Variants in IL2RA observed in about 807,000 individuals in gnomAD.
IL2RA encodes the protein interleukin 2 receptor subunit alpha.
IL2RA carries 24 observed loss-of-function variants against 37.8 expected under a neutral mutation model. The observed-to-expected ratio is 0.63, with a 90% confidence interval of 0.46 to 0.89. The LOEUF is 0.89. IL2RA is among the 40% of genes least tolerant of loss of function. The pLI is 0.00. For missense variants in IL2RA, 319 were observed against 348.6 expected (o/e 0.92, Z 0.68); for synonymous variants, 125 against 114.6 (o/e 1.09, Z -0.58).
At chr10:6,055,317 C>T (rs1334907811) in intron 1 of IL2RA, among the ~76,000 whole-genome samples, 5 of 151,938 alleles carry the variant, frequency 3.3e-5, no homozygotes, top group Non-Finnish European at 7.3e-5. Context: ...ATCCTAAGTG[C>T]GATTTGGAAG....
chr10:6,026,296 G>A (rs778774695), intron 1 of IL2RA, among the ~76,000 whole-genome samples: 6 of 152,102 alleles, frequency 3.9e-5, no homozygotes, highest in Non-Finnish European at 7.4e-5. Context: ...GTTTTATTCC[G>A]AATATGCCTC....
chr10:6,032,622 G>A (rs889032460), intron 1 of IL2RA, among the ~76,000 whole-genome samples: 13 of 151,420 alleles, frequency 8.6e-5, no homozygotes, highest in African/African-American at 3.2e-4. Flanking sequence ...GAACTTGGGA[G>A]GTGGAGCTTG....
intron 1 of IL2RA, among the ~76,000 whole-genome samples, chr10:6,045,682 A>G (rs1839841998): frequency 6.6e-6 from 1 of 152,186 alleles, no homozygotes. Flanking sequence ...CTTGGGATGG[A>G]GTCATATTTT....
chr10:6,052,943 G>T (rs1221192698), intron 1 of IL2RA, among the ~76,000 whole-genome samples: 1 of 152,122 alleles, frequency 6.6e-6, no homozygotes, highest in African/African-American at 2.4e-5. Context: ...GCAGGACCCG[G>T]AGAACCCAGA....
At chr10:6,041,315 C>A (rs1360591550) in intron 1 of IL2RA, among the ~76,000 whole-genome samples, 1 of 152,022 alleles carries the variant, frequency 6.6e-6, no homozygotes, top group African/African-American at 2.4e-5. Flanking sequence ...CGGGGTTTCA[C>A]TGTGTTAGCC....
intron 1 of IL2RA, among the ~76,000 whole-genome samples, chr10:6,040,147 C>T (rs1839749359): frequency 6.6e-6 from 1 of 152,170 alleles, no homozygotes; most frequent in African/African-American, 2.4e-5. Flanking sequence ...GTAAAATGCT[C>T]CACAAATTTT....
At position 6,018,944 on chromosome 10, in the gene IL2RA, C is replaced by G. The variant is rs1007096157; in HGVS notation, c.727+484G>C. 6.6e-6 allele frequency among the ~76,000 whole-genome samples: 1 copy of G among 152,076 alleles called. No individual in the cohort carries two copies. Among genetic ancestry groups the G allele is most frequent in the African/African-American group, 2.4e-5 (1 of 41,406 alleles). On this transcript the variant is annotated intron_variant, in intron 6 of 7. Transcript: ENST00000379959. This position sits in a 1 kb window ranked among gnomAD's most constrained non-coding sequence, Gnocchi z 5.1. Reference sequence around the variant, plus strand: ...TCTACCAACCAACTCACTAACCAACCAACCAGCTAACCAACCAAACTACCA... The same window carrying G: ...TCTACCAACCAACTCACTAACCAACGAACCAGCTAACCAACCAAACTACCA...
rs916902068 is a variant in IL2RA, at chr10:6,054,752, AT to A, written c.64+7335del. 1.3e-5 allele frequency among the ~76,000 whole-genome samples: 2 copies of A among 151,686 alleles called. No homozygotes were observed. Among genetic ancestry groups the A allele is most frequent in the African/African-American group, 4.8e-5 (2 of 41,262 alleles). On this transcript the variant is annotated intron_variant, in intron 1 of 7. Coordinates refer to ENST00000379959, the MANE Select transcript of IL2RA (RefSeq NM_000417.3). The surrounding 1 kb of genome is among the most constrained non-coding windows in gnomAD (Gnocchi z 4.5). ...GGTCCCAGGGCCACCTTCTCTGAGA[AT>A]TTTTTTTCTAGTTCTCCAGGTAGCA...
chr10:6,034,045 A>G (rs1181702019), intron 1 of IL2RA, among the ~76,000 whole-genome samples: 1 of 152,238 alleles, frequency 6.6e-6, no homozygotes, highest in Non-Finnish European at 1.5e-5. Flanking sequence ...TCAATTTGAA[A>G]AGAAGGAAAC....
In IL2RA at chr10:6,022,008, G is replaced by A. The variant is rs1431104791; in HGVS notation, c.368-315C>T. On this transcript the variant is annotated intron_variant, in intron 3 of 7. Transcript: ENST00000379959. The surrounding 1 kb of genome is among the most constrained non-coding windows in gnomAD (Gnocchi z 4.7). The stretch of plus-strand genomic sequence containing the variant: ...TTCATTCTGGTTGGTGCGGCCCCGA[G>A]ACAGGAACGCCACAACTGCCTCTTG... Among the ~76,000 whole-genome samples, 1 of 152,128 alleles carries A rather than the reference G, an allele frequency of 6.6e-6. No individual in the cohort carries two copies. Among genetic ancestry groups the A allele is most frequent in the African/African-American group, 2.4e-5 (1 of 41,428 alleles).
chr10:6,019,013 AACCT>A (rs1839328373), intron 6 of IL2RA, among the ~76,000 whole-genome samples: 1 of 151,950 alleles, frequency 6.6e-6, no homozygotes, highest in South Asian at 2.1e-4. Flanking sequence ...CCTAACAACC[AACCT>A]ACCAACCAAC....
rs1465900623 is a variant in IL2RA at position 6,047,262 on chromosome 10, T to C, written c.64+14826A>G. Reference sequence around the variant, plus strand: ...CCAACAGCACTCCATCCCGACCTCATACCATGTGCACAGCACCTGATGCTG... The same window carrying C: ...CCAACAGCACTCCATCCCGACCTCACACCATGTGCACAGCACCTGATGCTG... On this transcript the variant is annotated intron_variant, in intron 1 of 7. Coordinates refer to ENST00000379959, the MANE Select transcript of IL2RA (RefSeq NM_000417.3). This position sits in a 1 kb window ranked among gnomAD's most constrained non-coding sequence, Gnocchi z 5.0. Among the ~76,000 whole-genome samples, 1 of 152,186 alleles carries C rather than the reference T, an allele frequency of 6.6e-6. No individual in the cohort carries two copies. Among genetic ancestry groups the C allele is most frequent in the Non-Finnish European group, 1.5e-5 (1 of 68,028 alleles).
chr10:6,032,509 G>A lies in IL2RA; in HGVS notation c.65-6484C>T, dbSNP rs977609194. Among the ~76,000 whole-genome samples the A allele has an allele frequency of 1.2e-4, 18 of 151,930 alleles. 1 individual carries two copies. Among genetic ancestry groups the A allele is most frequent in the Admixed American group, 4.6e-4 (7 of 15,262 alleles). Reference sequence around the variant, plus strand: ...AGATGGAGACCATCCTGGCTAACACGGTGAAACCCTGTCTCTACTAAAAAT... The same window carrying A: ...AGATGGAGACCATCCTGGCTAACACAGTGAAACCCTGTCTCTACTAAAAAT... On this transcript the variant is annotated intron_variant, in intron 1 of 7. Coordinates refer to ENST00000379959, the MANE Select transcript of IL2RA (RefSeq NM_000417.3).
rs1268671168 is a variant in IL2RA at position 6,047,717 on chromosome 10, TA to T, written c.64+14370del. Among the ~76,000 whole-genome samples the T allele has an allele frequency of 6.7e-6, 1 of 149,484 alleles. No individual in the cohort carries two copies. Among genetic ancestry groups the T allele is most frequent in the Non-Finnish European group, 1.5e-5 (1 of 67,528 alleles). On this transcript the variant is annotated intron_variant, in intron 1 of 7. Transcript: ENST00000379959. The surrounding 1 kb of genome is among the most constrained non-coding windows in gnomAD (Gnocchi z 5.0). Reference sequence around the variant, plus strand: ...ACCATCTTAGCTTATGAAATTATCTTATATGATAAAATAATTATACAGATAT... The same window carrying T: ...ACCATCTTAGCTTATGAAATTATCTTTATGATAAAATAATTATACAGATAT...
rs533953750 is a variant in IL2RA at position 6,047,092 on chromosome 10, G to A, written c.64+14996C>T. 1.3e-5 allele frequency among the ~76,000 whole-genome samples: 2 copies of A among 152,332 alleles called. No homozygotes were observed. The highest frequency in any genetic ancestry group is 1.9e-4 in the East Asian group (1 of 5,184). On this transcript the variant is annotated intron_variant, in intron 1 of 7. Coordinates refer to ENST00000379959, the MANE Select transcript of IL2RA (RefSeq NM_000417.3). The surrounding 1 kb of genome is among the most constrained non-coding windows in gnomAD (Gnocchi z 5.0). ...CTCCATGTCTCTGCATGCTTGCATG[G>A]AGAACATGCATTGTCCAAGGACCCT...
In IL2RA at chr10:6,035,620, G is replaced by T. The variant is rs929777629; in HGVS notation, c.65-9595C>A. On this transcript the variant is annotated intron_variant, in intron 1 of 7. Coordinates refer to ENST00000379959, the MANE Select transcript of IL2RA (RefSeq NM_000417.3). The surrounding 1 kb of genome is among the most constrained non-coding windows in gnomAD (Gnocchi z 5.4). ...CCAGGAGGAGAATCCTGAACCACGG[G>T]CTCTGCGGTGATGTGGCCTTCCTCT... Among the ~76,000 whole-genome samples, 1 of 152,174 alleles carries T rather than the reference G, an allele frequency of 6.6e-6. No individual in the cohort carries two copies. Among genetic ancestry groups the T allele is most frequent in the South Asian group, 2.1e-4 (1 of 4,824 alleles).
rs562191104 is a variant in IL2RA at position 6,056,581 on chromosome 10, C to T, written c.64+5507G>A. ...AGCCTACGCAACATAGCAAAAACCC[C>T]CTCTCTACTAAAATTACAAAAAAGG... is the stretch of plus-strand genomic sequence containing the variant. On this transcript the variant is annotated intron_variant, in intron 1 of 7. Transcript: ENST00000379959. The surrounding 1 kb of genome is among the most constrained non-coding windows in gnomAD (Gnocchi z 5.0). Among the ~76,000 whole-genome samples, 3 of 152,096 alleles carry T rather than the reference C, an allele frequency of 2.0e-5. 1 individual carries two copies. The highest frequency in any genetic ancestry group is 4.8e-5 in the African/African-American group (2 of 41,490).
rs146038924 is a variant in IL2RA at position 6,047,726 on chromosome 10, A to C, written c.64+14362T>G. 1.2e-3 allele frequency among the ~76,000 whole-genome samples: 179 copies of C among 149,542 alleles called. No homozygotes were observed. Among genetic ancestry groups the C allele is most frequent in the African/African-American group, 4.1e-3 (170 of 41,082 alleles). On this transcript the variant is annotated intron_variant, in intron 1 of 7. Transcript: ENST00000379959. This position sits in a 1 kb window ranked among gnomAD's most constrained non-coding sequence, Gnocchi z 5.0. Reference sequence around the variant, plus strand: ...GCTTATGAAATTATCTTATATGATAAAATAATTATACAGATATATAATAAG... The same window carrying C: ...GCTTATGAAATTATCTTATATGATACAATAATTATACAGATATATAATAAG...
In IL2RA at chr10:6,014,072, G is replaced by A. The variant is rs1034717957; in HGVS notation, c.795-1176C>T. Among the ~76,000 whole-genome samples the A allele has an allele frequency of 3.3e-5, 5 of 152,032 alleles. No individual in the cohort carries two copies. The highest frequency in any genetic ancestry group is 1.2e-4 in the African/African-American group (5 of 41,400). ...GGTCTCAAGCGAGCCTCTCACCTTAGTCTCCCGAAGTGCAGGAATTACAGG... is the reference window on the plus strand; with the variant it reads ...GGTCTCAAGCGAGCCTCTCACCTTAATCTCCCGAAGTGCAGGAATTACAGG... On this transcript the variant is annotated intron_variant, in intron 7 of 7. Coordinates refer to ENST00000379959, the MANE Select transcript of IL2RA (RefSeq NM_000417.3). This position sits in a 1 kb window ranked among gnomAD's most constrained non-coding sequence, Gnocchi z 4.4.
Sources: gnomAD v4.1 joint callset for allele counts (sites outside exome capture counted in the v4.1 genomes callset) on GRCh38, gnomAD v4.1.1 for gene constraint, Gnocchi (gnomAD v3.1) non-coding constraint, MANE v1.5 for transcripts, NCBI Gene and HGNC (gene_info 2026-07-23, HGNC 2026-07-21) for gene names.